The following TP63 variants were observed in gnomAD, a reference collection of about 807,000 sequenced individuals.
TP63 encodes tumor protein p63, also known as tumor protein 63.
A neutral mutation model predicts 82.8 loss-of-function variants in TP63; 17 were observed. The ratio of observed to expected loss-of-function variants is 0.21; its 90% CI spans 0.14 to 0.31. The LOEUF is 0.31. Among genes scored for constraint, TP63 ranks in the 10% least tolerant of loss-of-function variants. The pLI is 1.00. For missense variants in TP63, 648 were observed against 895.3 expected, an observed-to-expected ratio of 0.72 and a Z score of 3.52; for synonymous variants, 330 against 321.7, an observed-to-expected ratio of 1.03 and a Z score of -0.28.
intron 3 of TP63, among the ~76,000 whole-genome samples, chr3:189,743,164 G>C (rs62279903): frequency 0.11 from 16,494 of 152,044 alleles, 988 homozygotes; most frequent in South Asian, 0.22. Flanking sequence ...ATTGGAAAAA[G>C]ATATAGGTAA....
intron 1 of TP63, among the ~76,000 whole-genome samples, chr3:189,718,328 A>G (rs1394840911): frequency 5.9e-5 from 9 of 151,924 alleles, no homozygotes; most frequent in African/African-American, 1.9e-4. Context: ...TTTACAAACA[A>G]AAGAGGTTTG....
chr3:189,738,892 G>A, intron 3 of TP63, 118 bp downstream of exon 3: 5 of 1,438,550 alleles, frequency 3.5e-6, no homozygotes, highest in Non-Finnish European at 4.8e-6. Context: ...AGGCCTTTGG[G>A]AAGAGAGTCT....
chr3:189,808,136 G>T, intron 3 of TP63, 136 bp from the exon 4 acceptor site: 3 of 1,436,624 alleles, frequency 2.1e-6, no homozygotes, highest in East Asian at 2.3e-5. Context: ...AAAAATCAAC[G>T]GTTTTACTTT....
In TP63 at chr3:189,737,865, A is replaced by T; in HGVS notation, c.188A>T (p.Glu63Val). Residue 63 changes from glutamate to valine, a missense_variant, in exon 2 of 14, where the codon GAA becomes GTA. Transcript: ENST00000264731. Reference sequence around the variant, plus strand: ...TTCCAGCATATCTGGGATTTTCTGGAACAGTAAGTATAAAACAAGCAAGAA... The same window carrying T: ...TTCCAGCATATCTGGGATTTTCTGGTACAGTAAGTATAAAACAAGCAAGAA... ...EVFQHIWDFLEQPICSVQPID... is the reference protein window; with the variant it reads ...EVFQHIWDFLVQPICSVQPID... 1 of 1,613,882 alleles carries T rather than the reference A, an allele frequency of 6.2e-7. No individual in the cohort carries two copies. The highest frequency in any genetic ancestry group is 8.5e-7 in the Non-Finnish European group (1 of 1,179,814).
intron 1 of TP63, among the ~76,000 whole-genome samples, chr3:189,723,100 A>G (rs975972386): frequency 4.6e-5 from 7 of 152,202 alleles, no homozygotes; most frequent in Non-Finnish European, 8.8e-5. Flanking sequence ...GTTGAACTGT[A>G]AAGTGTGACA....
At chr3:189,654,614 A>G (rs1277542127) in intron 1 of TP63, among the ~76,000 whole-genome samples, 1 of 152,194 alleles carries the variant, frequency 6.6e-6, no homozygotes, top group Non-Finnish European at 1.5e-5. Flanking sequence ...TGGGGTTTTC[A>G]GATATGCTAA....
intron 1 of TP63, among the ~76,000 whole-genome samples, chr3:189,636,473 G>T (rs1477894812): frequency 6.6e-6 from 1 of 152,066 alleles, no homozygotes; most frequent in African/African-American, 2.4e-5. Flanking sequence ...TTTAGTGTAC[G>T]GTAAGTTCTC....
intron 4 of TP63, among the ~76,000 whole-genome samples, chr3:189,810,379 G>A (rs569152430): frequency 4.6e-5 from 7 of 152,210 alleles, no homozygotes; most frequent in South Asian, 2.1e-4. Context: ...AGTTTACTCC[G>A]CCAGGTCTCC....
chr3:189,784,761 T>C (rs1020610060), intron 3 of TP63, among the ~76,000 whole-genome samples: 4 of 152,098 alleles, frequency 2.6e-5, no homozygotes, highest in African/African-American at 9.6e-5. Context: ...TGAGATCTAA[T>C]ATCTTGCTTT....
chr3:189,670,127 T>C (rs1456614431), intron 1 of TP63, among the ~76,000 whole-genome samples: 1 of 151,760 alleles, frequency 6.6e-6, no homozygotes, highest in Non-Finnish European at 1.5e-5. Context: ...CAGGAAGAAA[T>C]AACAAGCCTG....
At position 189,896,646 on chromosome 3, in the gene TP63, G is replaced by C. The variant is rs1721496532; in HGVS notation, c.*2144G>C. 1 of 206,840 alleles carries C rather than the reference G, an allele frequency of 4.8e-6. No homozygotes were observed. Among genetic ancestry groups the C allele is most frequent in the Admixed American group, 5.9e-5 (1 of 16,844 alleles). 12.8% of individuals were successfully genotyped at this position (206,840 alleles called of 1,614,324 possible). ...GCTTCCCTTACTTTGCTGAGGGTTT[G>C]AATAAACCTAGGACTTCCGAGCTAT... is the stretch of plus-strand genomic sequence containing the variant. On this transcript the variant is annotated 3_prime_UTR_variant, in exon 14 of 14. Transcript: ENST00000264731.
intron 1 of TP63, among the ~76,000 whole-genome samples, chr3:189,688,451 A>G (rs905474013): frequency 5.3e-5 from 8 of 152,168 alleles, no homozygotes; most frequent in Admixed American, 5.2e-4. Context: ...TGCAGTTCAC[A>G]CACACTTCTG....
rs186309008 is a variant in TP63, at chr3:189,634,600, C to T, written c.62+3023C>T. Among the ~76,000 whole-genome samples the T allele has an allele frequency of 3.5e-3, 525 of 152,060 alleles. 2 individuals are homozygous for T. Among genetic ancestry groups the T allele is most frequent in the South Asian group, 6.4e-3 (31 of 4,816 alleles). ...TGAAAACCAAAAAGGCAGTTAACAC[C>T]TTAGAGCTTATTAAGTTCCCCTTTT... On this transcript the variant is annotated intron_variant, in intron 1 of 13. Transcript: ENST00000264731.
At chr3:189,680,108 G>GT (rs1437548523) in intron 1 of TP63, among the ~76,000 whole-genome samples, 2 of 151,558 alleles carry the variant, frequency 1.3e-5, no homozygotes, top group African/African-American at 2.4e-5. Flanking sequence ...TTAATTTTAT[G>GT]TTTTTTTTCT....
chr3:189,691,355 A>AAAAAAAAAG (rs1553813522), intron 1 of TP63, among the ~76,000 whole-genome samples: 19 of 144,008 alleles, frequency 1.3e-4, no homozygotes, highest in Non-Finnish European at 2.4e-4. Context: ...AAAAAAAAAA[A>AAAAAAAAAG]AAAAAGAAAA....
Position 189,808,416 on chromosome 3 carries a change from G to A in TP63, c.469G>A (p.Asp157Asn), listed in dbSNP as rs1727161919. The A allele has an allele frequency of 6.2e-7, 1 of 1,614,106 alleles. No homozygotes were observed. The highest frequency in any genetic ancestry group is 8.5e-7 in the Non-Finnish European group (1 of 1,180,034). ...CTACGCACAGCCCAGCTCCACCTTC[G>A]ATGCTCTCTCTCCATCACCCGCCAT... is the stretch of plus-strand genomic sequence containing the variant. ...SPYAQPSSTF[D>N]ALSPSPAIPS... Residue 157 changes from aspartate to asparagine, a missense_variant, in exon 4 of 14, where the codon GAT (aspartate) becomes AAT (asparagine). Around this residue, in one of 5 missense-constraint regions of TP63, gnomAD observed 182 missense variants for 213.6 expected, o/e 0.85. Coordinates refer to ENST00000264731, the MANE Select transcript of TP63 (RefSeq NM_003722.5).
chr3:189,829,879 T>C (rs1712037735), intron 4 of TP63: 3 of 386,208 alleles, frequency 7.8e-6, no homozygotes, highest in African/African-American at 2.3e-5. Flanking sequence ...TTAATTTTTT[T>C]CAACCAAGAT....
intron 1 of TP63, among the ~76,000 whole-genome samples, chr3:189,633,713 CA>C (rs1452549082): frequency 6.6e-6 from 1 of 152,014 alleles, no homozygotes; most frequent in East Asian, 1.9e-4. Flanking sequence ...GGCCAGGGAG[CA>C]ATTATTTGCC....
chr3:189,676,756 A>G (rs1388356518), intron 1 of TP63, among the ~76,000 whole-genome samples: 1 of 152,020 alleles, frequency 6.6e-6, no homozygotes, highest in Non-Finnish European at 1.5e-5. Context: ...GTGGCCTGTT[A>G]GGAACTGGAC....
Sources: gnomAD v4.1 joint callset for allele counts (sites outside exome capture counted in the v4.1 genomes callset) on GRCh38, gnomAD v4.1.1 for gene constraint, gnomAD v4.1.1 regional missense constraint, MANE v1.5 for transcripts, NCBI Gene and HGNC (gene_info 2026-07-23, HGNC 2026-07-21) for gene names.